The following ZNF610 variants were observed in gnomAD, a reference collection of about 807,000 sequenced individuals.
ZNF610 encodes zink finger protein.
ZNF610 carries 14 observed loss-of-function variants against 14.1 expected under a neutral mutation model. The observed-to-expected ratio is 0.99, with a 90% CI of 0.65 to 1.55. The LOEUF (loss-of-function observed/expected upper bound fraction) is 1.55, where lower values mean the gene tolerates loss of function less well. ZNF610 is among the 40% of genes most tolerant of loss of function. The pLI is 0.00. For synonymous variants in ZNF610, 185 were observed against 187.6 expected (o/e 0.99, Z 0.11); for missense variants, 530 against 558.0 (o/e 0.95, Z 0.51).
At chr19:52,342,075 C>T (rs1226057991) in intron 1 of ZNF610, among the ~76,000 whole-genome samples, 3 of 151,922 alleles carry the variant, frequency 2.0e-5, no homozygotes, top group Admixed American at 1.3e-4. Context: ...ACCCGAGTAG[C>T]CAGGACTACA....
rs144053512 is a variant in ZNF610 at position 52,366,596 on chromosome 19, C to T, written c.1218C>T (p.Asp406=). 2.9e-5 allele frequency: 47 copies of T among 1,614,210 alleles called. No homozygotes were observed. The African/African-American group carries it at 5.6e-4, about 19-fold the overall frequency. The change falls in exon 6 of 6, where the codon GAC becomes GAT. Residue 406 remains aspartate (D), a synonymous_variant. Transcript: ENST00000403906. ...AACCTTACAAATGTAATGAATGTGA[C>T]AAAGTCTTTGGGCGCAAATTATACC... ...GEKPYKCNEC[D]KVFGRKLYLT...
intron 1 of ZNF610, among the ~76,000 whole-genome samples, chr19:52,340,122 C>T (rs1600229207): frequency 6.6e-6 from 1 of 152,224 alleles, no homozygotes; most frequent in East Asian, 1.9e-4. Context: ...CAGCACGGGC[C>T]AGACGCGTTG....
upstream of ZNF610, among the ~76,000 whole-genome samples, chr19:52,331,631 T>A (rs990606180): frequency 1.4e-4 from 22 of 152,280 alleles, no homozygotes; most frequent in African/African-American, 4.1e-4. Flanking sequence ...CTGAGGGACA[T>A]GTCTCCCTTG....
chr19:52,346,193 G>T (rs1318561337), intron 1 of ZNF610, among the ~76,000 whole-genome samples: 1 of 150,022 alleles, frequency 6.7e-6, no homozygotes, highest in Non-Finnish European at 1.5e-5. Context: ...TTTTGTTTTT[G>T]GTTTTTTTTG....
In ZNF610 at chr19:52,361,557, T is replaced by C. The variant is rs1003606729; in HGVS notation, c.320-4141T>C. On this transcript the variant is annotated intron_variant, in intron 5 of 5. Coordinates refer to ENST00000403906, the MANE Select transcript of ZNF610 (RefSeq NM_001161425.2). Reference sequence around the variant, plus strand: ...AAGTTTACTTATTTGAGGCTTACGCTTCATTTTTGTTTTGTTGTTTATCTA... The same window carrying C: ...AAGTTTACTTATTTGAGGCTTACGCCTCATTTTTGTTTTGTTGTTTATCTA... Among the ~76,000 whole-genome samples, 24 of 147,268 alleles carry C rather than the reference T, an allele frequency of 1.6e-4. 1 individual carries two copies. The highest frequency in any genetic ancestry group is 3.1e-5 in the Non-Finnish European group (2 of 65,564).
chr19:52,357,551 C>A (rs1256541622), intron 5 of ZNF610, among the ~76,000 whole-genome samples: 6 of 148,090 alleles, frequency 4.1e-5, no homozygotes, highest in African/African-American at 1.0e-4. Context: ...AGGCTGAGCC[C>A]GGAGAATGGC....
chr19:52,333,755 TA>T (rs1469717285), upstream of ZNF610, among the ~76,000 whole-genome samples: 1 of 152,194 alleles, frequency 6.6e-6, no homozygotes, highest in Non-Finnish European at 1.5e-5. Context: ...TGGTATTTGT[TA>T]AATTAAAAGG....
At chr19:52,358,226 C>A (rs751241268) in intron 5 of ZNF610, among the ~76,000 whole-genome samples, 1 of 152,140 alleles carries the variant, frequency 6.6e-6, no homozygotes, top group Non-Finnish European at 1.5e-5. Context: ...ACTCTGTCGC[C>A]GGGCTGGAGT....
chr19:52,338,890 C>G (rs187789046), intron 1 of ZNF610, among the ~76,000 whole-genome samples: 1 of 151,904 alleles, frequency 6.6e-6, no homozygotes, highest in East Asian at 2.0e-4. Context: ...AAAAGTGGGC[C>G]CAGGGGACCG....
chr19:52,352,695 C>G (rs960603122), intron 3 of ZNF610, among the ~76,000 whole-genome samples: 2 of 152,028 alleles, frequency 1.3e-5, no homozygotes, highest in Non-Finnish European at 2.9e-5. Flanking sequence ...TGCTTCTGGT[C>G]CCTGCTCAGG....
rs772470955 is a variant in ZNF610, at chr19:52,366,258, G to A, written c.880G>A (p.Gly294Ser). 6.2e-7 allele frequency: 1 copy of A among 1,613,264 alleles called. No individual in the cohort carries two copies. Among genetic ancestry groups the A allele is most frequent in the Admixed American group, 1.7e-5 (1 of 59,978 alleles). Residue 294 changes from glycine (G) to serine (S), a missense_variant, in exon 6 of 6, where the codon GGC becomes AGC. Gly to Ser is a moderately conservative substitution (Grantham distance 56). Coordinates refer to ENST00000403906, the MANE Select transcript of ZNF610 (RefSeq NM_001161425.2). ...GAAGCCTCACAAATGTAACGAATGT[G>A]GCAAAGCTTTTAGAGAGTGTTCGGG... ...GEKPHKCNEC[G>S]KAFRECSGLT...
At chr19:52,340,828 A>G (rs967082965) in intron 1 of ZNF610, among the ~76,000 whole-genome samples, 3 of 151,964 alleles carry the variant, frequency 2.0e-5, no homozygotes, top group African/African-American at 7.3e-5. Context: ...CTACAGGCAC[A>G]CGCCACCACG....
Position 52,365,769 on chromosome 19 carries a change from G to T in ZNF610, c.391G>T (p.Ala131Ser), listed in dbSNP as rs2241586. The change falls in exon 6 of 6, where the codon GCA (alanine) becomes TCA (serine). Residue 131 changes from alanine (A) to serine (S), a missense_variant. Coordinates refer to ENST00000403906, the MANE Select transcript of ZNF610 (RefSeq NM_001161425.2). The stretch of plus-strand genomic sequence containing the variant: ...AAATCAACTTGGATTAACCCTTGAG[G>T]CACATCTGTCTGAATTGCAGCTGTT... ...IKNQLGLTLE[A>S]HLSELQLFQA... The T allele has an allele frequency of 0.86, 1,395,540 of 1,613,880 alleles. 605,768 individuals carry two copies. Among genetic ancestry groups the T allele is most frequent in the South Asian group, 0.9 (82,176 of 91,030 alleles).
At chr19:52,360,609 A>G (rs534951253) in intron 5 of ZNF610, among the ~76,000 whole-genome samples, 1 of 152,332 alleles carries the variant, frequency 6.6e-6, no homozygotes, top group East Asian at 1.9e-4. Context: ...GAGTGTTTCT[A>G]TCATCAGTAG....
At chr19:52,345,466 G>A (rs1349428495) in intron 1 of ZNF610, 1 of 152,140 alleles carries the variant, frequency 6.6e-6, no homozygotes. Flanking sequence ...GGATGACACT[G>A]TGATGCTCCT....
At chr19:52,351,192 C>T (rs1006397107) in intron 3 of ZNF610, among the ~76,000 whole-genome samples, 8 of 152,112 alleles carry the variant, frequency 5.3e-5, no homozygotes, top group Non-Finnish European at 7.3e-5. Context: ...TGCAGTGGCT[C>T]ACGCCTGTAA....
At chr19:52,354,531 G>T (rs957943818) in intron 5 of ZNF610, 152 bp downstream of exon 5, 1 of 838,646 alleles carries the variant, frequency 1.2e-6, no homozygotes, top group Non-Finnish European at 1.8e-6. Context: ...TCCTGCCTTG[G>T]CCTCCCAAAG....
chr19:52,331,717 G>A (rs2122146376), upstream of ZNF610, among the ~76,000 whole-genome samples: 1 of 152,330 alleles, frequency 6.6e-6, no homozygotes, highest in South Asian at 2.1e-4. Flanking sequence ...CAAGCCTGCT[G>A]TGAACCAAAC....
At chr19:52,337,681 G>A (rs1203899077) in intron 1 of ZNF610, among the ~76,000 whole-genome samples, 1 of 152,296 alleles carries the variant, frequency 6.6e-6, no homozygotes. Context: ...GAGTGCAGAT[G>A]AGCGATGAGT....
Sources: gnomAD v4.1 joint callset for allele counts (sites outside exome capture counted in the v4.1 genomes callset) on GRCh38, gnomAD v4.1.1 for gene constraint, MANE v1.5 for transcripts, NCBI Gene and HGNC (gene_info 2026-07-23, HGNC 2026-07-21) for gene names.